SETBP1: variants seen among roughly 807,000 people sequenced by gnomAD.
SETBP1 encodes SET-binding protein.
In SETBP1, 9 loss-of-function variants were observed where a neutral mutation model predicts 101.0. The ratio of observed to expected loss-of-function variants is 0.09; its 90% CI spans 0.05 to 0.16. The LOEUF (loss-of-function observed/expected upper bound fraction) is 0.16, where lower values mean the gene tolerates loss of function less well. Ranked by LOEUF, SETBP1 falls within the 10% of genes least tolerant of loss-of-function variation. SETBP1 has a pLI of 1.00. For synonymous variants in SETBP1, 818 were observed against 788.5 expected (o/e 1.04, Z -0.63); for missense variants, 1,858 against 2,033.8 (o/e 0.91, Z 1.66).
intron 3 of SETBP1, chr18:44,877,305 A>G (rs2069429084): frequency 1.3e-6 from 1 of 742,122 alleles, no homozygotes; most frequent in African/African-American, 1.9e-5. Context: ...CACAAAAAGT[A>G]TGGATTAAGG....
At chr18:44,863,673 C>G (rs183863644) in intron 2 of SETBP1, among the ~76,000 whole-genome samples, 231 of 152,258 alleles carry the variant, frequency 1.5e-3, no homozygotes, top group African/African-American at 4.6e-3. Flanking sequence ...AGGAGGCTTA[C>G]TTAACAAAAG....
At chr18:44,861,229 CTTTTTTTTTTT>C (rs775284488) in intron 2 of SETBP1, among the ~76,000 whole-genome samples, 4 of 88,338 alleles carry the variant, frequency 4.5e-5, no homozygotes, top group African/African-American at 8.8e-5. Flanking sequence ...TTTTTCTTTT[CTTTTTTTTTTT>C]TTTTTTTTTT....
rs534963356 is a variant in SETBP1 at position 44,952,917 on chromosome 18, G to T, written c.3577G>T (p.Ala1193Ser). 6.2e-7 allele frequency: 1 copy of T among 1,614,186 alleles called. No individual in the cohort carries two copies. The highest frequency in any genetic ancestry group is 2.2e-5 in the East Asian group (1 of 44,882). The change falls in exon 4 of 6, where the codon GCA becomes TCA. Residue 1193 changes from alanine to serine, a missense_variant. By Grantham distance (99) the Ala-to-Ser change is moderately conservative (BLOSUM62 1). This residue lies in a region of SETBP1 where 417 missense variants were observed against 389.1 expected (regional missense o/e 1.07). Transcript: ENST00000649279. ...CATCCTGAGCGAGCGGCTGAGTAGC[G>T]CAGACAAAGAGCTCCCGCTGGTGAG... ...SHILSERLSS[A>S]DKELPLVSEK...
At chr18:44,978,311 C>A (rs1170814046) in intron 4 of SETBP1, among the ~76,000 whole-genome samples, 2 of 152,106 alleles carry the variant, frequency 1.3e-5, no homozygotes, top group African/African-American at 4.8e-5. Flanking sequence ...ATTCCGACTG[C>A]AGAGTGATCA....
intron 3 of SETBP1, among the ~76,000 whole-genome samples, chr18:44,942,325 G>A (rs1323124552): frequency 2.0e-5 from 3 of 152,272 alleles, no homozygotes; most frequent in Middle Eastern, 6.8e-3. Context: ...GCCCCCAGTA[G>A]CTAATCTCTG....
At position 44,786,155 on chromosome 18, in the gene SETBP1, T is replaced by C. The variant is rs189514212; in HGVS notation, c.487-83075T>C. The stretch of plus-strand genomic sequence containing the variant: ...TGCTGGCCTCTAAGTCAACTTCCTG[T>C]CTATGACAGAGAATCTCCTTTTTCC... On this transcript the variant is annotated intron_variant, in intron 2 of 5. Coordinates refer to ENST00000649279, the MANE Select transcript of SETBP1 (RefSeq NM_015559.3). Among the ~76,000 whole-genome samples the C allele has an allele frequency of 2.6e-5, 4 of 152,354 alleles. No homozygotes were observed. In the East Asian group the frequency reaches 7.7e-4, roughly 29 times the overall value.
At chr18:44,765,356 G>A (rs953961575) in intron 2 of SETBP1, among the ~76,000 whole-genome samples, 12 of 152,244 alleles carry the variant, frequency 7.9e-5, no homozygotes, top group East Asian at 1.9e-4. Flanking sequence ...ACAAGATAGC[G>A]ACACGAGGGT....
intron 2 of SETBP1, 40 bp downstream of exon 2, chr18:44,701,872 C>G: frequency 6.2e-7 from 1 of 1,601,346 alleles, no homozygotes; most frequent in Middle Eastern, 1.7e-4. Context: ...GTTTGTTTCT[C>G]TGTTTTTGCC....
At chr18:44,803,897 T>TTCATAA (rs60042187) in intron 2 of SETBP1, among the ~76,000 whole-genome samples, 4,515 of 152,278 alleles carry the variant, frequency 0.03, 215 homozygotes, top group African/African-American at 0.1. Context: ...CATTAAGTAG[T>TTCATAA]GATGTCTTCT....
At chr18:44,884,387 T>C (rs1295650026) in intron 3 of SETBP1, among the ~76,000 whole-genome samples, 2 of 152,212 alleles carry the variant, frequency 1.3e-5, no homozygotes, top group Non-Finnish European at 2.9e-5. Flanking sequence ...CTCTCCAGCC[T>C]GGCCTTTCTC....
At chr18:44,938,597 C>T (rs931279889) in intron 3 of SETBP1, among the ~76,000 whole-genome samples, 10 of 152,140 alleles carry the variant, frequency 6.6e-5, no homozygotes, top group South Asian at 4.1e-4. Context: ...ACAGAGGAGG[C>T]GGGGCAGTGT....
chr18:44,820,783 G>A (rs1223610682), intron 2 of SETBP1, among the ~76,000 whole-genome samples: 1 of 152,212 alleles, frequency 6.6e-6, no homozygotes, highest in African/African-American at 2.4e-5. Context: ...CTGGCACATG[G>A]AAATTGCTCA....
chr18:44,842,763 T>A (rs1190007799), intron 2 of SETBP1, among the ~76,000 whole-genome samples: 2 of 152,236 alleles, frequency 1.3e-5, no homozygotes, highest in African/African-American at 4.8e-5. Flanking sequence ...CACACTTCTC[T>A]AGTTTTGTGG....
At chr18:44,842,673 A>G (rs1363152923) in intron 2 of SETBP1, among the ~76,000 whole-genome samples, 1 of 152,222 alleles carries the variant, frequency 6.6e-6, no homozygotes, top group Non-Finnish European at 1.5e-5. Flanking sequence ...CAATGAATGC[A>G]TGGATTGTTA....
intron 5 of SETBP1, among the ~76,000 whole-genome samples, chr18:45,052,876 G>GA (rs945445199): frequency 9.2e-5 from 14 of 152,166 alleles, no homozygotes; most frequent in Admixed American, 7.2e-4. Context: ...CGAGCCCTTT[G>GA]AAAATTCCTA....
intron 4 of SETBP1, among the ~76,000 whole-genome samples, chr18:44,994,676 G>A (rs187950266): frequency 4.6e-5 from 7 of 152,244 alleles, no homozygotes; most frequent in Admixed American, 3.9e-4. Context: ...TGTACATGGT[G>A]GAATATCCAT....
intron 2 of SETBP1, among the ~76,000 whole-genome samples, chr18:44,735,510 C>G (rs1235468266): frequency 6.6e-6 from 1 of 152,038 alleles, no homozygotes; most frequent in Non-Finnish European, 1.5e-5. Context: ...AATAAAAGTT[C>G]AACTGAACAG....
rs2070699224 is a variant in SETBP1, at chr18:44,926,095, G to T, written c.541-23786G>T. Among the ~76,000 whole-genome samples the T allele has an allele frequency of 3.3e-5, 5 of 152,174 alleles. No homozygotes were observed. The South Asian group carries it at 1.0e-3, about 32-fold the overall frequency. The stretch of plus-strand genomic sequence containing the variant: ...ATTTTTATTTGTGTTTGAGAGGGGG[G>T]TCTCACTCTGTCACCCAGGCCAGAA... On this transcript the variant is annotated intron_variant, in intron 3 of 5. Coordinates refer to ENST00000649279, the MANE Select transcript of SETBP1 (RefSeq NM_015559.3).
At chr18:44,852,417 A>G (rs540250443) in intron 2 of SETBP1, among the ~76,000 whole-genome samples, 4 of 152,268 alleles carry the variant, frequency 2.6e-5, no homozygotes, top group African/African-American at 9.6e-5. Context: ...CCGTATTCCC[A>G]TGAAGCTGGG....
Sources: gnomAD v4.1 joint callset for allele counts (sites outside exome capture counted in the v4.1 genomes callset) on GRCh38, gnomAD v4.1.1 for gene constraint, gnomAD v4.1.1 regional missense constraint, MANE v1.5 for transcripts, NCBI Gene and HGNC (gene_info 2026-07-23, HGNC 2026-07-21) for gene names.